Variants in TRPM3 observed in about 807,000 individuals in gnomAD.
TRPM3 encodes transient receptor potential cation channel subfamily M member 3.
TRPM3 carries 77 observed loss-of-function variants against 181.2 expected under a neutral mutation model. The ratio of observed to expected loss-of-function variants is 0.42; its 90% confidence interval spans 0.35 to 0.51. The LOEUF is 0.51. Among genes scored for constraint, TRPM3 ranks in the 20% least tolerant of loss-of-function variants. The probability of loss-of-function intolerance (pLI) is 0.01; values close to 1 mark genes in which losing one functional copy is unlikely to be tolerated. For synonymous variants in TRPM3, 745 were observed against 796.4 expected (o/e 0.94, Z 1.09); for missense variants, 1,759 against 2,196.7 (o/e 0.80, Z 3.98).
At chr9:71,280,461 G>A (rs913761360) in intron 1 of TRPM3, among the ~76,000 whole-genome samples, 1 of 151,958 alleles carries the variant, frequency 6.6e-6, no homozygotes, top group Non-Finnish European at 1.5e-5. Flanking sequence ...CTCTGGCTAA[G>A]TCAGCACCCT....
intron 6 of TRPM3, among the ~76,000 whole-genome samples, chr9:70,788,821 T>G (rs923540689): frequency 6.6e-6 from 1 of 152,066 alleles, no homozygotes. Context: ...CTAGATACCA[T>G]ATATGCACAG....
intron 12 of TRPM3, among the ~76,000 whole-genome samples, chr9:70,633,446 A>C (rs534644529): frequency 6.6e-6 from 1 of 152,282 alleles, no homozygotes; most frequent in South Asian, 2.1e-4. Context: ...CAATCTCAGG[A>C]AAGTGGTTGT....
intron 8 of TRPM3, among the ~76,000 whole-genome samples, chr9:70,692,704 G>C (rs10511985): frequency 0.36 from 55,111 of 152,048 alleles, 10,246 homozygotes; most frequent in East Asian, 0.46. Flanking sequence ...TCGCTTCTTG[G>C]AAAAGGGGTC....
intron 19 of TRPM3, among the ~76,000 whole-genome samples, chr9:70,603,782 A>T (rs1464839419): frequency 6.6e-6 from 1 of 152,192 alleles, no homozygotes; most frequent in Admixed American, 6.5e-5. Context: ...TTGGCTAAAA[A>T]GGGAGCCTTG....
chr9:70,737,767 A>C (rs1420008411), intron 8 of TRPM3, among the ~76,000 whole-genome samples: 5 of 152,084 alleles, frequency 3.3e-5, no homozygotes, highest in African/African-American at 1.2e-4. Flanking sequence ...GCAGTTAAAA[A>C]ATTCAAAGAG....
chr9:70,995,693 TAGCATCTTTCCAGACGTATGGGCA>T (rs2097535450), intron 1 of TRPM3, among the ~76,000 whole-genome samples: 1 of 152,190 alleles, frequency 6.6e-6, no homozygotes, highest in Non-Finnish European at 1.5e-5. Context: ...CAGAGGTTCC[TAGCATCTTTCCAGACGTATGGGCA>T]AGATGACACA....
chr9:71,308,340 G>T (rs929332879), intron 1 of TRPM3, among the ~76,000 whole-genome samples: 1 of 152,036 alleles, frequency 6.6e-6, no homozygotes, highest in Non-Finnish European at 1.5e-5. Flanking sequence ...AAATTTAGAG[G>T]ATTATTTGAG....
intron 20 of TRPM3, among the ~76,000 whole-genome samples, chr9:70,600,636 T>C (rs553336288): frequency 7.9e-5 from 12 of 152,182 alleles, no homozygotes; most frequent in African/African-American, 2.4e-4. Flanking sequence ...AGGATTTACA[T>C]GTGTAACAAG....
At chr9:70,974,043 A>T (rs866586617) in intron 1 of TRPM3, among the ~76,000 whole-genome samples, 2 of 152,228 alleles carry the variant, frequency 1.3e-5, no homozygotes, top group African/African-American at 2.4e-5. Context: ...TACAAATGTT[A>T]TTAACTACCT....
At chr9:71,115,123 T>G (rs1268607110) in intron 1 of TRPM3, among the ~76,000 whole-genome samples, 1 of 152,232 alleles carries the variant, frequency 6.6e-6, no homozygotes, top group Non-Finnish European at 1.5e-5. Flanking sequence ...TTGCTCCCAC[T>G]GTCGACTAAC....
chr9:70,590,868 T>C (rs1049117110), intron 22 of TRPM3, 163 bp downstream of exon 22: 90 of 820,778 alleles, frequency 1.1e-4, no homozygotes, highest in Non-Finnish European at 1.5e-4. Context: ...TAAAATTGTG[T>C]ATTCACCTTC....
chr9:71,076,772 A>C (rs2063517083), intron 1 of TRPM3, among the ~76,000 whole-genome samples: 1 of 152,156 alleles, frequency 6.6e-6, no homozygotes, highest in South Asian at 2.1e-4. Context: ...CCCATCTTGG[A>C]AATGTGAATT....
At chr9:70,853,679 G>T (rs567148437) in intron 3 of TRPM3, among the ~76,000 whole-genome samples, 10 of 152,172 alleles carry the variant, frequency 6.6e-5, no homozygotes, top group Admixed American at 2.6e-4. Context: ...GGAACATTTG[G>T]TTAACTGTAG....
chr9:71,343,912 C>A (rs981511448), intron 1 of TRPM3, among the ~76,000 whole-genome samples: 1 of 151,988 alleles, frequency 6.6e-6, no homozygotes, highest in African/African-American at 2.4e-5. Context: ...GGGGACTCAT[C>A]ATGAAGGGGC....
rs1563912955 is a variant in TRPM3, at chr9:71,421,028, A to AAAGAGAGAAG, written c.183+25624_183+25625insCTTCTCTCTT. Among the ~76,000 whole-genome samples, 51 of 151,626 alleles carry AAAGAGAGAAG rather than the reference A, an allele frequency of 3.4e-4. 1 individual carries two copies. The highest frequency in any genetic ancestry group is 6.8e-3 in the Middle Eastern group (2 of 294). ...GAGAAAAAGAGAGAAAAAGAGAGAAAAAGAAAAAGAGAACGAACTCACGTC... is the reference window on the plus strand; with the variant it reads ...GAGAAAAAGAGAGAAAAAGAGAGAAAAAGAGAGAAGAAGAAAAAGAGAACGAACTCACGTC... On this transcript the variant is annotated intron_variant, in intron 1 of 24. Transcript: ENST00000357533.
At chr9:71,400,926 A>G (rs1001688996) in intron 1 of TRPM3, among the ~76,000 whole-genome samples, 1 of 152,186 alleles carries the variant, frequency 6.6e-6, no homozygotes, top group South Asian at 2.1e-4. Context: ...TACTGGGTAC[A>G]GTGGCTCATG....
chr9:71,032,951 T>G (rs1267349864), intron 1 of TRPM3, among the ~76,000 whole-genome samples: 1 of 152,256 alleles, frequency 6.6e-6, no homozygotes, highest in Admixed American at 6.5e-5. Flanking sequence ...TTTACCTTGA[T>G]TAAAACTCCC....
intron 1 of TRPM3, among the ~76,000 whole-genome samples, chr9:71,254,250 C>G (rs182605758): frequency 2.8e-4 from 42 of 152,060 alleles, no homozygotes; most frequent in Admixed American, 4.6e-4. Context: ...ATAAACCAAG[C>G]GCAGAAAGGT....
intron 1 of TRPM3, among the ~76,000 whole-genome samples, chr9:71,372,510 T>G (rs150846243): frequency 1.3e-5 from 2 of 152,184 alleles, no homozygotes; most frequent in East Asian, 3.9e-4. Flanking sequence ...GGCTTTTGGT[T>G]GTTGTTGTTG....
Sources: allele counts gnomAD v4.1 joint callset (sites outside exome capture counted in the v4.1 genomes callset), GRCh38; gene constraint gnomAD v4.1.1; transcripts MANE v1.5; gene names NCBI Gene and HGNC (gene_info 2026-07-23, HGNC 2026-07-21).